The following IL1RAPL2 variants were observed in gnomAD, a reference collection of about 807,000 sequenced individuals.
The protein encoded by IL1RAPL2 is X-linked interleukin-1 receptor accessory protein-like 2.
Under a neutral mutation model 44.1 loss-of-function variants are expected in IL1RAPL2, and 3 were observed. The observed-to-expected ratio is 0.07, with a 90% CI of 0.03 to 0.18. The LOEUF is 0.18. Among genes scored for constraint, IL1RAPL2 ranks in the 10% least tolerant of loss-of-function variants. The probability of loss-of-function intolerance (pLI) is 1.00; values close to 1 mark genes in which losing one functional copy is unlikely to be tolerated. For synonymous variants in IL1RAPL2, 181 were observed against 178.8 expected (o/e 1.01, Z -0.10); for missense variants, 391 against 496.4 (o/e 0.79, Z 2.02).
intron 3 of IL1RAPL2, among the ~76,000 whole-genome samples, chrX:105,205,531 A>G (rs1450223254): frequency 1.8e-4 from 16 of 86,713 alleles, no homozygotes; most frequent in African/African-American, 6.8e-4. Flanking sequence ...TGGAGGTTGC[A>G]GTGAGCTGAG....
chrX:104,760,057 C>G (rs1292628641), intron 2 of IL1RAPL2, among the ~76,000 whole-genome samples: 1 of 111,905 alleles, frequency 8.9e-6, no homozygotes, highest in African/African-American at 3.2e-5. Flanking sequence ...GTTTGTCTTT[C>G]TGTGCCTGCT....
At chrX:104,765,748 T>G (rs1398328320) in intron 2 of IL1RAPL2, among the ~76,000 whole-genome samples, 1 of 112,046 alleles carries the variant, frequency 8.9e-6, no homozygotes, top group East Asian at 2.8e-4. Flanking sequence ...TCAGCTGTAG[T>G]CAAAGTAAAA....
intron 5 of IL1RAPL2, among the ~76,000 whole-genome samples, chrX:105,444,140 T>C (rs2035939089): frequency 8.9e-6 from 1 of 112,077 alleles, no homozygotes; most frequent in Non-Finnish European, 1.9e-5. Flanking sequence ...TTGTATGTCT[T>C]CTTTTGAGAA....
chrX:104,671,404 C>T (rs940059150), intron 2 of IL1RAPL2, among the ~76,000 whole-genome samples: 3 of 111,798 alleles, frequency 2.7e-5, no homozygotes, highest in African/African-American at 9.8e-5. Flanking sequence ...TCACTTCCCA[C>T]CTTCTCTGAC....
intron 2 of IL1RAPL2, among the ~76,000 whole-genome samples, chrX:104,723,447 C>T (rs187329052): frequency 9.1e-6 from 1 of 110,185 alleles, no homozygotes; most frequent in African/African-American, 3.3e-5. Flanking sequence ...AAGACTGTAA[C>T]TGCCAGGGGT....
At chrX:104,747,728 G>A (rs1932200526) in intron 2 of IL1RAPL2, among the ~76,000 whole-genome samples, 1 of 111,550 alleles carries the variant, frequency 9.0e-6, no homozygotes, top group Non-Finnish European at 1.9e-5. Flanking sequence ...GAAAGGCCCT[G>A]TGGAAAGAGG....
chrX:104,848,417 A>G (rs1174181993), intron 2 of IL1RAPL2, among the ~76,000 whole-genome samples: 7 of 29,688 alleles, frequency 2.4e-4, no homozygotes, highest in East Asian at 1.2e-3. Flanking sequence ...CTGTATATAT[A>G]TATATATATA....
chrX:104,640,293 T>G (rs1185337953), intron 1 of IL1RAPL2, among the ~76,000 whole-genome samples: 2 of 111,882 alleles, frequency 1.8e-5, no homozygotes, highest in African/African-American at 6.5e-5. Context: ...ATGTATTTTT[T>G]TATTTCATGT....
chrX:104,717,700 T>C (rs1406797634), intron 2 of IL1RAPL2, among the ~76,000 whole-genome samples: 3 of 109,443 alleles, frequency 2.7e-5, no homozygotes, highest in Non-Finnish European at 5.7e-5. Flanking sequence ...CATGTTGGTG[T>C]GCTGCACCCA....
intron 6 of IL1RAPL2, among the ~76,000 whole-genome samples, chrX:105,546,187 G>A (rs780667997): frequency 9.0e-5 from 10 of 111,418 alleles, no homozygotes; most frequent in Non-Finnish European, 1.5e-4. Flanking sequence ...GAATAAGAAT[G>A]GAAGAAGCAA....
chrX:105,549,583 A>G (rs895523041), intron 6 of IL1RAPL2, among the ~76,000 whole-genome samples: 2 of 111,674 alleles, frequency 1.8e-5, no homozygotes, highest in African/African-American at 6.5e-5. Flanking sequence ...ATGGTGGTAT[A>G]GAGGCCCATC....
At chrX:105,312,431 T>C (rs1736867) in intron 5 of IL1RAPL2, among the ~76,000 whole-genome samples, 21,273 of 110,846 alleles carry the variant, frequency 0.19, 4,452 homozygotes, top group African/African-American at 0.62. Flanking sequence ...GCCTTTAATT[T>C]TCAATCCCAA....
At chrX:105,686,188 A>G (rs1337569581) in intron 6 of IL1RAPL2, among the ~76,000 whole-genome samples, 1 of 110,208 alleles carries the variant, frequency 9.1e-6, no homozygotes, top group Non-Finnish European at 1.9e-5. Context: ...GACAGGATCA[A>G]ATTCACACAT....
intron 5 of IL1RAPL2, among the ~76,000 whole-genome samples, chrX:105,328,534 T>TA (rs1182962237): frequency 4.5e-5 from 5 of 111,882 alleles, no homozygotes; most frequent in African/African-American, 1.3e-4. Context: ...GTAGTCATAG[T>TA]AGTCATACCT....
At chrX:105,138,473 C>CAAAAAAAAAAAAAAAAAAAAAAACA (rs371757842) in intron 2 of IL1RAPL2, among the ~76,000 whole-genome samples, 1 of 54,481 alleles carries the variant, frequency 1.8e-5, no homozygotes, top group Admixed American at 2.3e-4. Context: ...ATATAATTAC[C>CAAAAAAAAAAAAAAAAAAAAAAACA]AAAAAAAAAA....
intron 1 of IL1RAPL2, among the ~76,000 whole-genome samples, chrX:104,583,330 A>G (rs1381870533): frequency 3.6e-5 from 4 of 111,762 alleles, no homozygotes; most frequent in African/African-American, 1.3e-4. Flanking sequence ...CCATCACCAC[A>G]GTTTTAGATA....
chrX:105,618,490 C>A (rs766028895), intron 6 of IL1RAPL2, among the ~76,000 whole-genome samples: 1 of 110,859 alleles, frequency 9.0e-6, no homozygotes, highest in Non-Finnish European at 1.9e-5. Flanking sequence ...ATGAAGTTTT[C>A]TGCTCAACTC....
At chrX:104,719,228 T>C (rs982796311) in intron 2 of IL1RAPL2, among the ~76,000 whole-genome samples, 3 of 112,399 alleles carry the variant, frequency 2.7e-5, no homozygotes, top group African/African-American at 9.7e-5. Context: ...TAAGTTAAGA[T>C]GCTCTTGATC....
chrX:105,237,898 G>T (rs1373280293), intron 4 of IL1RAPL2, among the ~76,000 whole-genome samples: 3 of 111,856 alleles, frequency 2.7e-5, no homozygotes, highest in Non-Finnish European at 5.6e-5. Context: ...GGATACATTT[G>T]TCCAGAGTTT....
Sources: allele counts gnomAD v4.1 joint callset (sites outside exome capture counted in the v4.1 genomes callset), GRCh38; gene constraint gnomAD v4.1.1; transcripts MANE v1.5; gene names NCBI Gene and HGNC (gene_info 2026-07-23, HGNC 2026-07-21).